GRM5: variants seen among roughly 807,000 people sequenced by gnomAD.
GRM5 encodes glutamate metabotropic receptor 5, also known as metabotropic glutamate receptor 5.
A neutral mutation model predicts 83.1 loss-of-function variants in GRM5; 19 were observed. The ratio of observed to expected loss-of-function variants is 0.23; its 90% CI spans 0.16 to 0.34. The LOEUF is 0.34. Among genes scored for constraint, GRM5 ranks in the 10% least tolerant of loss-of-function variants. The pLI, the probability that GRM5 is intolerant of heterozygous loss-of-function variation, is 1.00. For synonymous variants in GRM5, 675 were observed against 633.6 expected (o/e 1.07, Z -0.98); for missense variants, 1,160 against 1,588.3 (o/e 0.73, Z 4.58).
chr11:88,999,277 A>C (rs1213477468), intron 2 of GRM5, among the ~76,000 whole-genome samples: 1 of 152,242 alleles, frequency 6.6e-6, no homozygotes, highest in Non-Finnish European at 1.5e-5. Flanking sequence ...ACAGCAAAAG[A>C]AACTACCATC....
At chr11:89,011,447 G>T (rs1474748546) in intron 2 of GRM5, among the ~76,000 whole-genome samples, 1 of 152,146 alleles carries the variant, frequency 6.6e-6, no homozygotes, top group African/African-American at 2.4e-5. Flanking sequence ...TTAGTTCAGT[G>T]GTGTCTAGTT....
intron 2 of GRM5, among the ~76,000 whole-genome samples, chr11:89,012,651 G>A (rs1461248909): frequency 6.6e-6 from 1 of 152,162 alleles, no homozygotes. Context: ...ATACGAAGAA[G>A]AAGTAAATGA....
chr11:88,945,098 C>A (rs1048007982), intron 2 of GRM5, among the ~76,000 whole-genome samples: 1 of 149,502 alleles, frequency 6.7e-6, no homozygotes, highest in African/African-American at 2.5e-5. Flanking sequence ...ATCAAGAATG[C>A]AATTTCATTT....
In GRM5 at chr11:88,988,452, G is replaced by C. The variant is rs1207485882; in HGVS notation, c.661+58760C>G. Among the ~76,000 whole-genome samples the C allele has an allele frequency of 2.6e-5, 4 of 152,216 alleles. No homozygotes were observed. In the East Asian group the frequency reaches 7.7e-4, roughly 29 times the overall value. ...AAACACTCTGCAGGATATTATCCAG[G>C]AGAACTTCCCCAATCTAACAAGGCA... On this transcript the variant is annotated intron_variant, in intron 2 of 9. Transcript: ENST00000305447.
At chr11:88,957,855 A>G (rs1938670282) in intron 2 of GRM5, among the ~76,000 whole-genome samples, 1 of 152,142 alleles carries the variant, frequency 6.6e-6, no homozygotes, top group African/African-American at 2.4e-5. Flanking sequence ...AAGTATCCAA[A>G]TTTATCCCAC....
At chr11:88,670,223 C>T (rs1253498611) in intron 3 of GRM5, among the ~76,000 whole-genome samples, 1 of 151,850 alleles carries the variant, frequency 6.6e-6, no homozygotes, top group Non-Finnish European at 1.5e-5. Flanking sequence ...ACTTAATCCA[C>T]ACTGTTTACA....
chr11:88,861,641 T>C (rs2135551472), intron 2 of GRM5, among the ~76,000 whole-genome samples: 1 of 152,046 alleles, frequency 6.6e-6, no homozygotes, highest in Middle Eastern at 3.4e-3. Flanking sequence ...AATTTTTGTA[T>C]TTTTTTGTAG....
rs1250838797 is a variant in GRM5, at chr11:88,981,873, G to A, written c.661+65339C>T. Among the ~76,000 whole-genome samples the A allele has an allele frequency of 5.3e-5, 8 of 152,110 alleles. No homozygotes were observed. The East Asian group carries it at 1.5e-3, about 29-fold the overall frequency. Reference sequence around the variant, plus strand: ...AGATCAGGCAAATAAATTGCCTACAGGAGAAATTGGCATCTAGGAGGCTGA... The same window carrying A: ...AGATCAGGCAAATAAATTGCCTACAAGAGAAATTGGCATCTAGGAGGCTGA... On this transcript the variant is annotated intron_variant, in intron 2 of 9. Coordinates refer to ENST00000305447, the MANE Select transcript of GRM5 (RefSeq NM_001143831.3).
In GRM5 at chr11:88,964,370, G is replaced by GT. The variant is rs1591001964; in HGVS notation, c.661+82841_661+82842insA. Among the ~76,000 whole-genome samples, 3 of 114,856 alleles carry GT rather than the reference G, an allele frequency of 2.6e-5. No individual in the cohort carries two copies. The East Asian group carries it at 8.5e-4, about 32-fold the overall frequency. The allele number at this position is 114,856 out of a possible 152,430, so 75.3% of individuals were successfully genotyped here. On this transcript the variant is annotated intron_variant, in intron 2 of 9. Transcript: ENST00000305447. ...ACAGTAGAATAGGCAGGGCACAGAG[G>GT]GTTTTTTTTTTAAAGACTAGACTCT...
At chr11:88,670,153 A>G (rs528843926) in intron 3 of GRM5, among the ~76,000 whole-genome samples, 1 of 152,114 alleles carries the variant, frequency 6.6e-6, no homozygotes, top group South Asian at 2.1e-4. Flanking sequence ...GTAGGAAAAA[A>G]TGTTCTAATA....
At chr11:88,920,403 T>C (rs1945669174) in intron 2 of GRM5, among the ~76,000 whole-genome samples, 2 of 118,892 alleles carry the variant, frequency 1.7e-5, no homozygotes, top group African/African-American at 6.4e-5. Context: ...ATAAGAAAAA[T>C]TCTCCCAGCC....
At chr11:89,034,923 C>T (rs1458548261) in intron 2 of GRM5, among the ~76,000 whole-genome samples, 10 of 144,850 alleles carry the variant, frequency 6.9e-5, no homozygotes, top group African/African-American at 2.3e-4. Context: ...AATACAAAGT[C>T]GTATAATATT....
At chr11:88,696,183 G>T (rs61902937) in intron 3 of GRM5, among the ~76,000 whole-genome samples, 18,703 of 152,068 alleles carry the variant, frequency 0.12, 1,520 homozygotes, top group Middle Eastern at 0.2. Flanking sequence ...CAGCGGTAGG[G>T]CTCTCCTCCC....
At chr11:88,901,433 C>T (rs1004837579) in intron 2 of GRM5, among the ~76,000 whole-genome samples, 11 of 152,036 alleles carry the variant, frequency 7.2e-5, no homozygotes, top group African/African-American at 2.7e-4. Context: ...GGTAGAATTC[C>T]AACCTAGTTC....
At chr11:88,519,990 A>G (rs930871360) in intron 9 of GRM5, among the ~76,000 whole-genome samples, 1 of 152,184 alleles carries the variant, frequency 6.6e-6, no homozygotes, top group Non-Finnish European at 1.5e-5. Flanking sequence ...GTGGTCACAC[A>G]CTGGCTAGTG....
In GRM5 at chr11:89,034,235, G is replaced by A. The variant is rs12806933; in HGVS notation, c.661+12977C>T. 1.4e-4 allele frequency among the ~76,000 whole-genome samples: 21 copies of A among 151,868 alleles called. No homozygotes were observed. The East Asian group carries it at 4.1e-3, about 29-fold the overall frequency. On this transcript the variant is annotated intron_variant, in intron 2 of 9. Coordinates refer to ENST00000305447, the MANE Select transcript of GRM5 (RefSeq NM_001143831.3). ...ATTAATGGTGTGCAACTCAGACTTCGTATCTCAAAGGGAACAGTACTGATG... is the reference window on the plus strand; with the variant it reads ...ATTAATGGTGTGCAACTCAGACTTCATATCTCAAAGGGAACAGTACTGATG...
chr11:89,039,577 C>T (rs1941480303), intron 2 of GRM5, among the ~76,000 whole-genome samples: 1 of 152,088 alleles, frequency 6.6e-6, no homozygotes, highest in African/African-American at 2.4e-5. Flanking sequence ...CTTTGTTACT[C>T]TTGTATTTTA....
chr11:89,051,793 A>G (rs1050358757), intron 1 of GRM5, among the ~76,000 whole-genome samples: 11 of 152,240 alleles, frequency 7.2e-5, no homozygotes, highest in African/African-American at 2.4e-4. Flanking sequence ...ATTCAATCTT[A>G]GAAAGGATTA....
chr11:88,665,463 C>T (rs2135323832), intron 3 of GRM5, among the ~76,000 whole-genome samples: 1 of 152,210 alleles, frequency 6.6e-6, no homozygotes, highest in East Asian at 1.9e-4. Flanking sequence ...AAAATATCCC[C>T]ACGACACTCA....
Sources: gnomAD v4.1 joint callset for allele counts (sites outside exome capture counted in the v4.1 genomes callset) on GRCh38, gnomAD v4.1.1 for gene constraint, MANE v1.5 for transcripts, NCBI Gene and HGNC (gene_info 2026-07-23, HGNC 2026-07-21) for gene names.